The following CLSTN2 variants were observed in gnomAD, a reference collection of about 807,000 sequenced individuals.
CLSTN2 encodes the protein calsyntenin-2.
A neutral mutation model predicts 101.2 loss-of-function variants in CLSTN2; 48 were observed. That is an observed-to-expected ratio of 0.47 (90% confidence interval 0.38 to 0.60). The LOEUF is 0.60. Among genes scored for constraint, CLSTN2 ranks in the 20% least tolerant of loss-of-function variants. The pLI, the probability that CLSTN2 is intolerant of heterozygous loss-of-function variation, is 0.00. For synonymous variants in CLSTN2, 481 were observed against 463.6 expected (o/e 1.04, Z -0.48); for missense variants, 1,160 against 1,238.2 (o/e 0.94, Z 0.95).
chr3:140,360,299 G>A (rs1273510154), intron 2 of CLSTN2, among the ~76,000 whole-genome samples: 1 of 152,170 alleles, frequency 6.6e-6, no homozygotes, highest in Non-Finnish European at 1.5e-5. Flanking sequence ...TGACACCCTG[G>A]CAGGCAGGCT....
chr3:140,333,855 C>G (rs2087413953), intron 2 of CLSTN2, among the ~76,000 whole-genome samples: 1 of 151,866 alleles, frequency 6.6e-6, no homozygotes, highest in East Asian at 1.9e-4. Flanking sequence ...AAACACTGAC[C>G]CCAGAAATAT....
chr3:140,085,235 A>G (rs562040416), intron 1 of CLSTN2, among the ~76,000 whole-genome samples: 1 of 152,322 alleles, frequency 6.6e-6, no homozygotes, highest in East Asian at 1.9e-4. Flanking sequence ...CTGCTGTTGC[A>G]TTGCTGCACT....
intron 2 of CLSTN2, among the ~76,000 whole-genome samples, chr3:140,235,720 G>A (rs2086410877): frequency 6.6e-6 from 1 of 152,202 alleles, no homozygotes; most frequent in Non-Finnish European, 1.5e-5. Flanking sequence ...TAAGTGGGAA[G>A]CCCTAGAACA....
chr3:139,973,888 C>T lies in CLSTN2; in HGVS notation c.109+38405C>T, dbSNP rs565142464. 1.6e-4 allele frequency among the ~76,000 whole-genome samples: 24 copies of T among 152,258 alleles called. No homozygotes were observed. In the East Asian group the frequency reaches 2.1e-3, roughly 14 times the overall value. ...CTCTTGGGATTCAATTTTCCCGCCT[C>T]GGCCTCCCAAAGTATTGGGATTACA... On this transcript the variant is annotated intron_variant, in intron 1 of 16. Transcript: ENST00000458420.
At chr3:139,952,136 G>A (rs1426051) in intron 1 of CLSTN2, among the ~76,000 whole-genome samples, 1,796 of 152,242 alleles carry the variant, frequency 0.012, 27 homozygotes, top group African/African-American at 0.041. Flanking sequence ...TGGTAGTTCT[G>A]TAATATTTGA....
At chr3:140,557,417 A>G (rs1373325582) in intron 11 of CLSTN2, among the ~76,000 whole-genome samples, 1 of 152,212 alleles carries the variant, frequency 6.6e-6, no homozygotes, top group Non-Finnish European at 1.5e-5. Flanking sequence ...TTCTAGAACA[A>G]TGGAGGGGTG....
chr3:140,088,073 C>T (rs918103704), intron 1 of CLSTN2, among the ~76,000 whole-genome samples: 4 of 152,116 alleles, frequency 2.6e-5, no homozygotes, highest in East Asian at 1.9e-4. Flanking sequence ...ATCAACCGTT[C>T]GTTATGCCAT....
chr3:140,119,915 AGTTTCATCTC>A (rs1395960443), intron 1 of CLSTN2, among the ~76,000 whole-genome samples: 1 of 147,262 alleles, frequency 6.8e-6, no homozygotes, highest in Non-Finnish European at 1.5e-5. Context: ...CATGAGCCTC[AGTTTCATCTC>A]CCATGAAATG....
intron 1 of CLSTN2, among the ~76,000 whole-genome samples, chr3:140,055,670 T>C (rs1346114150): frequency 6.6e-6 from 1 of 152,198 alleles, no homozygotes; most frequent in African/African-American, 2.4e-5. Context: ...CAGTAAATGT[T>C]TCCTTTTTCC....
intron 2 of CLSTN2, among the ~76,000 whole-genome samples, chr3:140,212,873 C>T (rs993176776): frequency 1.3e-5 from 2 of 152,210 alleles, no homozygotes; most frequent in Non-Finnish European, 2.9e-5. Flanking sequence ...TGTGTGCCCC[C>T]TCACAGTGCC....
At chr3:139,983,312 T>C (rs1008843975) in intron 1 of CLSTN2, among the ~76,000 whole-genome samples, 1 of 152,192 alleles carries the variant, frequency 6.6e-6, no homozygotes, top group Non-Finnish European at 1.5e-5. Context: ...ATGGTTTTCA[T>C]CTGATTTAGT....
chr3:140,202,526 C>G (rs1310994631), intron 2 of CLSTN2, among the ~76,000 whole-genome samples: 1 of 152,156 alleles, frequency 6.6e-6, no homozygotes, highest in Non-Finnish European at 1.5e-5. Flanking sequence ...ACCAGGCATT[C>G]ACGTTAGAAC....
intron 1 of CLSTN2, among the ~76,000 whole-genome samples, chr3:140,032,794 C>A (rs943439475): frequency 6.6e-6 from 1 of 152,202 alleles, no homozygotes; most frequent in Non-Finnish European, 1.5e-5. Context: ...TTGGGCAAAT[C>A]CCTTGGTCTC....
intron 8 of CLSTN2, among the ~76,000 whole-genome samples, chr3:140,497,387 A>C (rs1934490157): frequency 6.6e-6 from 1 of 152,156 alleles, no homozygotes; most frequent in Non-Finnish European, 1.5e-5. Flanking sequence ...CATTTGAAAA[A>C]GCTATCTGGC....
At chr3:140,134,254 A>G (rs568482156) in intron 1 of CLSTN2, among the ~76,000 whole-genome samples, 13 of 152,188 alleles carry the variant, frequency 8.5e-5, no homozygotes, top group African/African-American at 2.9e-4. Context: ...CTCTCCCCCT[A>G]TGTGCTCATT....
chr3:140,417,631 T>C (rs979075526), intron 4 of CLSTN2, among the ~76,000 whole-genome samples: 1 of 152,164 alleles, frequency 6.6e-6, no homozygotes, highest in African/African-American at 2.4e-5. Context: ...TTTGGAGAAA[T>C]AGCTCCAGGG....
chr3:140,537,194 G>A (rs1034798867), intron 9 of CLSTN2, among the ~76,000 whole-genome samples: 21 of 152,164 alleles, frequency 1.4e-4, no homozygotes, highest in African/African-American at 4.8e-4. Flanking sequence ...TGAAATTTCA[G>A]ACGAGGCTTT....
rs79539230 is a variant in CLSTN2, at chr3:140,215,443, G to C, written c.232+39370G>C. The stretch of plus-strand genomic sequence containing the variant: ...ACACTTTAACTGTAGCAATTTATCT[G>C]TCCTTTTTTCCCATGATAGTTGTTT... On this transcript the variant is annotated intron_variant, in intron 2 of 16. Transcript: ENST00000458420. Among the ~76,000 whole-genome samples, 428 of 152,294 alleles carry C rather than the reference G, an allele frequency of 2.8e-3. 19 individuals are homozygous for C. The East Asian group carries it at 0.064, about 23-fold the overall frequency.
chr3:140,500,576 GTTGGT>G (rs1934557434), intron 8 of CLSTN2, among the ~76,000 whole-genome samples: 1 of 152,150 alleles, frequency 6.6e-6, no homozygotes, highest in African/African-American at 2.4e-5. Flanking sequence ...TGTTTTTATT[GTTGGT>G]TTGGTTTTCG....
Sources: allele counts gnomAD v4.1 joint callset (sites outside exome capture counted in the v4.1 genomes callset), GRCh38; gene constraint gnomAD v4.1.1; transcripts MANE v1.5; gene names NCBI Gene and HGNC (gene_info 2026-07-23, HGNC 2026-07-21).